The following PTPRT variants were observed in gnomAD, a reference collection of about 807,000 sequenced individuals.
PTPRT encodes the protein receptor-type tyrosine-protein phosphatase T.
A neutral mutation model predicts 176.8 loss-of-function variants in PTPRT; 56 were observed. The observed-to-expected ratio is 0.32, with a 90% CI of 0.26 to 0.40. PTPRT has a LOEUF of 0.40. Ranked by LOEUF, PTPRT falls within the 10% of genes least tolerant of loss-of-function variation. The probability of loss-of-function intolerance (pLI) is 1.00; values close to 1 mark genes in which losing one functional copy is unlikely to be tolerated. For synonymous variants in PTPRT, 783 were observed against 739.0 expected, an observed-to-expected ratio of 1.06 and a Z score of -0.96; for missense variants, 1,540 against 1,908.2, an observed-to-expected ratio of 0.81 and a Z score of 3.60.
chr20:42,123,433 C>T (rs1014302828), intron 19 of PTPRT, among the ~76,000 whole-genome samples: 2 of 152,182 alleles, frequency 1.3e-5, no homozygotes, highest in Non-Finnish European at 2.9e-5. Flanking sequence ...AACTTATAGA[C>T]ATCAACAGAC....
intron 15 of PTPRT, among the ~76,000 whole-genome samples, chr20:42,203,080 G>A (rs1991515837): frequency 6.6e-6 from 1 of 152,120 alleles, no homozygotes; most frequent in Non-Finnish European, 1.5e-5. Context: ...GTATTTTCAT[G>A]GTGATAATAA....
At chr20:42,496,854 G>A (rs762591148) in intron 7 of PTPRT, among the ~76,000 whole-genome samples, 10 of 151,958 alleles carry the variant, frequency 6.6e-5, no homozygotes, top group South Asian at 4.2e-4. Flanking sequence ...TCTTTATACC[G>A]TTGACAATGC....
chr20:42,905,610 A>G (rs1225461236), intron 1 of PTPRT, among the ~76,000 whole-genome samples: 2 of 152,232 alleles, frequency 1.3e-5, no homozygotes, highest in African/African-American at 2.4e-5. Flanking sequence ...ATAAAGACAC[A>G]TGCACACATA....
At chr20:42,039,095 TG>T in the PTPRT span, among the ~76,000 whole-genome samples, 2 of 152,174 alleles carry the variant, frequency 1.3e-5, no homozygotes, top group Non-Finnish European at 2.9e-5. Context: ...ATCTGTCTAG[TG>T]GTTTCCTTTG....
In PTPRT at chr20:42,352,183, C is replaced by T. The variant is rs2058293822; in HGVS notation, c.1663G>A (p.Gly555Ser). 6.2e-7 allele frequency: 1 copy of T among 1,614,032 alleles called. No individual in the cohort carries two copies. Among genetic ancestry groups the T allele is most frequent in the Non-Finnish European group, 8.5e-7 (1 of 1,180,038 alleles). The change falls in exon 10 of 31, where the codon GGT becomes AGT. Residue 555 changes from glycine to serine, a missense_variant. By Grantham distance (56) the Gly-to-Ser change is moderately conservative. Around this residue, in one of 11 missense-constraint regions of PTPRT, gnomAD observed 136 missense variants for 135.0 expected, o/e 1.01. Coordinates refer to ENST00000373187, the MANE Select transcript of PTPRT (RefSeq NM_007050.6). ...GAATAGGTGGTCCCTGGGTACAGAC[C>T]CACAAAGAGGTGGTGGGTTTCATTC... ...LRNETHHLFV[G>S]LYPGTTYSFT...
intron 17 of PTPRT, among the ~76,000 whole-genome samples, chr20:42,147,762 C>T (rs1287511757): frequency 6.6e-6 from 1 of 152,128 alleles, no homozygotes; most frequent in African/African-American, 2.4e-5. Flanking sequence ...CCTCTGTCTC[C>T]CTTAGTGGGG....
intron 1 of PTPRT, among the ~76,000 whole-genome samples, chr20:43,094,329 A>G (rs1269393968): frequency 7.9e-6 from 1 of 126,038 alleles, no homozygotes; most frequent in Non-Finnish European, 1.6e-5. Context: ...CTCGTGATCC[A>G]CCCATCTCAG....
intron 1 of PTPRT, among the ~76,000 whole-genome samples, chr20:43,089,418 T>C (rs1030505119): frequency 2.0e-5 from 3 of 152,236 alleles, no homozygotes; most frequent in African/African-American, 7.2e-5. Context: ...ACTGCCTCCA[T>C]GTTGGTCAGG....
At chr20:43,159,272 G>T (rs6103173) in intron 1 of PTPRT, among the ~76,000 whole-genome samples, 2,674 of 152,316 alleles carry the variant, frequency 0.018, 48 homozygotes, top group South Asian at 0.079. Context: ...AGAGCTGGGG[G>T]TGGATACTAC....
At chr20:42,771,347 T>C in intron 5 of PTPRT, 88 bp downstream of exon 5, 1 of 1,164,298 alleles carries the variant, frequency 8.6e-7, no homozygotes, top group Non-Finnish European at 1.3e-6. Flanking sequence ...TTCAATACAC[T>C]TGTGTTGCCA....
chr20:42,792,128 C>T (rs2077385108), intron 2 of PTPRT, among the ~76,000 whole-genome samples: 2 of 152,164 alleles, frequency 1.3e-5, no homozygotes, highest in South Asian at 4.1e-4. Flanking sequence ...ATCAAGAATA[C>T]ACACATGGAG....
Position 43,175,295 on chromosome 20 carries a change from T to C in PTPRT, c.88+14351A>G, listed in dbSNP as rs532426493. Among the ~76,000 whole-genome samples the C allele has an allele frequency of 2.0e-5, 3 of 152,372 alleles. No homozygotes were observed. In the South Asian group the frequency reaches 6.2e-4, roughly 32 times the overall value. ...CTGTGTCTGTGATAAAGTTCTCTAT[T>C]TCCCTTCTTCTGCATGATGCAGGGG... is the stretch of plus-strand genomic sequence containing the variant. On this transcript the variant is annotated intron_variant, in intron 1 of 30. Coordinates refer to ENST00000373187, the MANE Select transcript of PTPRT (RefSeq NM_007050.6).
At chr20:42,648,672 A>G (rs2074961240) in intron 7 of PTPRT, among the ~76,000 whole-genome samples, 1 of 152,034 alleles carries the variant, frequency 6.6e-6, no homozygotes, top group Non-Finnish European at 1.5e-5. Flanking sequence ...GTGGAAGGCT[A>G]TGTAAATCAT....
At chr20:42,277,574 C>T (rs1438632373) in intron 13 of PTPRT, among the ~76,000 whole-genome samples, 1 of 152,194 alleles carries the variant, frequency 6.6e-6, no homozygotes, top group Non-Finnish European at 1.5e-5. Flanking sequence ...TAGACAGAAT[C>T]TATTTGACTT....
At chr20:42,186,371 CTCCTTCTACCACAT>C (rs67445848) in intron 16 of PTPRT, among the ~76,000 whole-genome samples, 50,904 of 151,256 alleles carry the variant, frequency 0.34, 9,000 homozygotes, top group East Asian at 0.38. Context: ...CCATCCCACG[CTCCTTCTACCACAT>C]TCCTTCTACC....
At chr20:42,852,633 T>C (rs1393635161) in intron 2 of PTPRT, among the ~76,000 whole-genome samples, 3 of 152,138 alleles carry the variant, frequency 2.0e-5, no homozygotes, top group East Asian at 1.9e-4. Context: ...AGTTTGAGGA[T>C]TTTTCTCCAC....
intron 7 of PTPRT, among the ~76,000 whole-genome samples, chr20:42,534,623 G>A (rs530421915): frequency 2.6e-5 from 4 of 152,176 alleles, no homozygotes; most frequent in Admixed American, 6.5e-5. Context: ...GCGACAGAGC[G>A]AGACTCCATC....
chr20:42,585,118 T>C (rs1316093570), intron 7 of PTPRT, among the ~76,000 whole-genome samples: 1 of 152,202 alleles, frequency 6.6e-6, no homozygotes, highest in Non-Finnish European at 1.5e-5. Flanking sequence ...CTTAACTTTC[T>C]TGATCCTGTG....
At chr20:42,968,656 T>G (rs533098323) in intron 1 of PTPRT, 1 of 152,360 alleles carries the variant, frequency 6.6e-6, no homozygotes, top group South Asian at 2.1e-4. Context: ...CACTTTCATA[T>G]GCATCATTCA....
Sources: gnomAD v4.1 joint callset for allele counts (sites outside exome capture counted in the v4.1 genomes callset) on GRCh38, gnomAD v4.1.1 for gene constraint, gnomAD v4.1.1 regional missense constraint, MANE v1.5 for transcripts, NCBI Gene and HGNC (gene_info 2026-07-23, HGNC 2026-07-21) for gene names.